Variants in CASP5 observed in about 807,000 individuals in gnomAD.
CASP5 encodes the protein caspase-5.
In CASP5, 42 loss-of-function variants were observed where a neutral mutation model predicts 45.2. That is an observed-to-expected ratio of 0.93 (90% CI 0.73 to 1.20). The LOEUF (loss-of-function observed/expected upper bound fraction) is 1.20, where lower values mean the gene tolerates loss of function less well. Among genes scored for constraint, CASP5 ranks in the 50% most tolerant of loss-of-function variants. The pLI is 0.00. For missense variants in CASP5, 512 were observed against 532.2 expected, an observed-to-expected ratio of 0.96 and a Z score of 0.37; for synonymous variants, 209 against 186.2, an observed-to-expected ratio of 1.12 and a Z score of -1.00.
chr11:105,015,687 C>G (rs1022961193), intron 1 of CASP5, among the ~76,000 whole-genome samples: 1 of 151,622 alleles, frequency 6.6e-6, no homozygotes, highest in African/African-American at 2.4e-5. Context: ...GCCAAAGAGG[C>G]AGCCATGGCT....
chr11:104,999,240 T>C (rs539612691), intron 6 of CASP5, among the ~76,000 whole-genome samples: 1 of 152,222 alleles, frequency 6.6e-6, no homozygotes, highest in South Asian at 2.1e-4. Flanking sequence ...GTGTGTGATA[T>C]TCCCCTCCCT....
Position 104,999,034 on chromosome 11 carries a change from G to C in CASP5, c.953-6C>G. 1 of 1,583,322 alleles carries C rather than the reference G, an allele frequency of 6.3e-7. No homozygotes were observed. Among genetic ancestry groups the C allele is most frequent in the Non-Finnish European group, 8.5e-7 (1 of 1,170,632 alleles). ...CCAGAGTTCCCCATGTTTTTCTGTA[G>C]AGACATCAACTTTCTTTTTTTTTTA... On this transcript the variant is annotated splice_region_variant and splice_polypyrimidine_tract_variant and intron_variant, in intron 6 of 9. Transcript: ENST00000260315.
At chr11:105,020,613 C>T (rs1382129123) in intron 1 of CASP5, among the ~76,000 whole-genome samples, 2 of 150,398 alleles carry the variant, frequency 1.3e-5, no homozygotes, top group East Asian at 1.9e-4. Context: ...ATGTGAAGGA[C>T]CTCTTCAAGG....
Position 105,007,203 on chromosome 11 carries a change from C to T in CASP5, c.313G>A (p.Asp105Asn). 6.2e-7 allele frequency: 1 copy of T among 1,613,776 alleles called. No individual in the cohort carries two copies. Among genetic ancestry groups the T allele is most frequent in the Non-Finnish European group, 8.5e-7 (1 of 1,179,808 alleles). ...LKEEEKKKYY[D>N]TKIEDKALIL... ...AGGGCCTTGTCTTCAATTTTGGTAT[C>T]ATAATATTTTTTCTTTTCCTCTTCC... Residue 105 changes from aspartate (D) to asparagine (N), a missense_variant, in exon 3 of 10, where the codon GAT becomes AAT. Physicochemically the swap from Asp to Asn is conservative, Grantham distance 23. Transcript: ENST00000260315.
intron 2 of CASP5, 28 bp from the exon 3 acceptor site, chr11:105,007,362 C>G (rs751322045): frequency 7.0e-6 from 11 of 1,578,654 alleles, no homozygotes; most frequent in Admixed American, 1.8e-5. Context: ...ACTCCTTTAA[C>G]TATGGGCACA....
chr11:104,997,045 A>G (rs1861499234), intron 8 of CASP5, among the ~76,000 whole-genome samples: 2 of 152,174 alleles, frequency 1.3e-5, no homozygotes, highest in South Asian at 4.1e-4. Context: ...CCCCTTTGTC[A>G]TCAGGATGAA....
intron 1 of CASP5, among the ~76,000 whole-genome samples, chr11:105,019,879 T>C (rs1365221141): frequency 6.9e-6 from 1 of 145,522 alleles, no homozygotes; most frequent in African/African-American, 2.5e-5. Context: ...ACCAATATCC[T>C]TGATGAACAT....
Position 105,014,045 on chromosome 11 carries a change from C to A in CASP5, c.8-5065G>T, listed in dbSNP as rs375030579. 7.3e-4 allele frequency among the ~76,000 whole-genome samples: 111 copies of A among 152,250 alleles called. 3 individuals carry two copies. In the South Asian group the frequency reaches 0.022, roughly 30 times the overall value. On this transcript the variant is annotated intron_variant, in intron 1 of 9. Coordinates refer to ENST00000260315, the MANE Select transcript of CASP5 (RefSeq NM_004347.5). ...TTACACCAAGAACCTTATAAACCTT[C>A]TTTTTGTCCTTTCTATTCTATTCTT...
chr11:105,016,779 A>C (rs1310201976), intron 1 of CASP5, among the ~76,000 whole-genome samples: 1 of 152,108 alleles, frequency 6.6e-6, no homozygotes, highest in Non-Finnish European at 1.5e-5. Flanking sequence ...AGCAGCCAGG[A>C]AGCTCGAACT....
chr11:104,997,326 T>C lies in CASP5; in HGVS notation c.1206+57A>G, dbSNP rs1211151679. On this transcript the variant is annotated intron_variant, in intron 8 of 9. Transcript: ENST00000260315. ...TCATTTTTATTCGATTAGTGAATAA[T>C]GATAAATTCTTTCTGAGCAAATAAG... 4 of 1,214,006 alleles carry C rather than the reference T, an allele frequency of 3.3e-6. No homozygotes were observed. The African/African-American group carries it at 6.0e-5, about 18-fold the overall frequency. 75.2% of individuals were successfully genotyped at this position (1,214,006 alleles called of 1,614,324 possible). A position where few individuals can be genotyped will look rare whatever the true frequency, so the allele number is the denominator to read the frequency against.
intron 5 of CASP5, among the ~76,000 whole-genome samples, chr11:105,001,275 T>A (rs1374900210): frequency 2.0e-5 from 3 of 152,244 alleles, no homozygotes; most frequent in Admixed American, 1.3e-4. Flanking sequence ...CTAACCTAGA[T>A]CCTTGCAATT....
At chr11:104,996,259 A>G (rs1861467909) in intron 8 of CASP5, among the ~76,000 whole-genome samples, 1 of 152,190 alleles carries the variant, frequency 6.6e-6, no homozygotes, top group African/African-American at 2.4e-5. Context: ...AACACTGAAC[A>G]ACTTTCATGC....
At chr11:105,013,343 T>C (rs1862442319) in intron 1 of CASP5, among the ~76,000 whole-genome samples, 1 of 151,950 alleles carries the variant, frequency 6.6e-6, no homozygotes. Flanking sequence ...AGAAATCTAT[T>C]GCACCACATA....
chr11:105,002,177 CCT>C lies in CASP5; in HGVS notation c.566_567del (p.Glu189GlyfsTer15), dbSNP rs1255178540. The C allele has an allele frequency of 7.4e-6, 12 of 1,613,868 alleles. No homozygotes were observed. The highest frequency in any genetic ancestry group is 1.6e-4 in the Middle Eastern group (1 of 6,084). ...HDEIYPIKKR[E>X]DRRRLALIIC... ...ATGATGAGAGCCAGGCGTCTGCGGT[CCT>C]CTCTCTTTTTTATTGGATAGATCTG... On this transcript the variant is annotated frameshift_variant, in exon 5 of 10. Transcript: ENST00000260315. LOFTEE classifies it high-confidence loss of function.
rs199695891 is a variant in CASP5, at chr11:105,009,720, CATATATATATATATATATATATATAT to C, written c.8-766_8-741del. Among the ~76,000 whole-genome samples the C allele has an allele frequency of 4.2e-4, 27 of 64,066 alleles. 2 individuals carry two copies. The highest frequency in any genetic ancestry group is 1.1e-3 in the South Asian group (2 of 1,894). The allele number at this position is 64,066 out of a possible 152,430, so 42.0% of individuals were successfully genotyped here. The stretch of plus-strand genomic sequence containing the variant: ...TTACCAGGAGATATATATATACACA[CATATATATATATATATATATATATAT>C]ATATATATATATACACACACACACG... On this transcript the variant is annotated intron_variant, in intron 1 of 9. Transcript: ENST00000260315.
intron 7 of CASP5, among the ~76,000 whole-genome samples, chr11:104,997,978 A>G (rs1861541843): frequency 6.6e-6 from 1 of 152,218 alleles, no homozygotes; most frequent in Admixed American, 6.5e-5. Flanking sequence ...CAGTTATAGA[A>G]GATTAAAATA....
intron 5 of CASP5, among the ~76,000 whole-genome samples, chr11:105,001,179 T>G (rs1315170003): frequency 6.6e-6 from 1 of 152,212 alleles, no homozygotes; most frequent in Non-Finnish European, 1.5e-5. Flanking sequence ...CTTTGGATTC[T>G]CTTGTTATTC....
chr11:105,002,935 C>A (rs1209511257), intron 4 of CASP5, among the ~76,000 whole-genome samples: 1 of 152,116 alleles, frequency 6.6e-6, no homozygotes, highest in African/African-American at 2.4e-5. Context: ...CTGTGGTTCC[C>A]GCCTGTAATC....
intron 1 of CASP5, among the ~76,000 whole-genome samples, chr11:105,020,004 A>G (rs1399944905): frequency 3.4e-5 from 5 of 145,904 alleles, no homozygotes; most frequent in Non-Finnish European, 7.6e-5. Context: ...GGTTCAATAT[A>G]CGCAAATCAA....
Sources: allele counts gnomAD v4.1 joint callset (sites outside exome capture counted in the v4.1 genomes callset), GRCh38; gene constraint gnomAD v4.1.1; transcripts MANE v1.5; gene names NCBI Gene and HGNC (gene_info 2026-07-23, HGNC 2026-07-21).